The following MAF variants were observed in gnomAD, a reference collection of about 807,000 sequenced individuals.
The protein encoded by MAF is transcription factor Maf.
A neutral mutation model predicts 22.0 loss-of-function variants in MAF; 10 were observed. The observed-to-expected ratio is 0.45, with a 90% CI of 0.28 to 0.77. MAF has a LOEUF of 0.77. Among genes scored for constraint, MAF ranks in the 30% least tolerant of loss-of-function variants. The probability of loss-of-function intolerance (pLI) is 0.12; values close to 1 mark genes in which losing one functional copy is unlikely to be tolerated. For synonymous variants in MAF, 337 were observed against 255.8 expected (o/e 1.32, Z -3.03); for missense variants, 544 against 548.4 (o/e 0.99, Z 0.08).
chr16:79,264,803 G>T, the MAF span, among the ~76,000 whole-genome samples: 2 of 152,126 alleles, frequency 1.3e-5, no homozygotes, highest in African/African-American at 4.8e-5. Context: ...TGGATCTGAA[G>T]CTCCATGTCT....
At chr16:79,217,204 G>A in the MAF span, among the ~76,000 whole-genome samples, 1 of 152,220 alleles carries the variant, frequency 6.6e-6, no homozygotes, top group Non-Finnish European at 1.5e-5. Context: ...TAGGATGAAA[G>A]TGAGTTTTAG....
chr16:79,520,924 A>G, the MAF span, among the ~76,000 whole-genome samples: 2 of 152,176 alleles, frequency 1.3e-5, no homozygotes, highest in Non-Finnish European at 1.5e-5. Flanking sequence ...ACACCCCTAG[A>G]AAGAAGGAGT....
At chr16:79,415,331 G>C in the MAF span, among the ~76,000 whole-genome samples, 5 of 143,584 alleles carry the variant, frequency 3.5e-5, no homozygotes. Flanking sequence ...GAGAAGGAAG[G>C]AGGGAGGATG....
the MAF span, among the ~76,000 whole-genome samples, chr16:79,225,033 A>G: frequency 2.0e-5 from 3 of 152,210 alleles, no homozygotes; most frequent in East Asian, 1.9e-4. Flanking sequence ...ATATGGAACC[A>G]AAAAAGAGCC....
the MAF span, among the ~76,000 whole-genome samples, chr16:79,279,142 A>G: frequency 2.6e-5 from 4 of 152,172 alleles, no homozygotes; most frequent in African/African-American, 7.2e-5. Context: ...GGCTTCAGGA[A>G]TCAGATGACT....
chr16:79,252,241 A>G, the MAF span, among the ~76,000 whole-genome samples: 4 of 152,102 alleles, frequency 2.6e-5, no homozygotes, highest in Non-Finnish European at 5.9e-5. Context: ...GAAAGCAGCC[A>G]CAGACAAATG....
At chr16:79,589,053 G>T (rs1442370375), downstream of MAF, among the ~76,000 whole-genome samples, 1 of 152,142 alleles carries the variant, frequency 6.6e-6, no homozygotes, top group Non-Finnish European at 1.5e-5. Context: ...ATCTATCTGT[G>T]CATGAATAAA....
chr16:79,235,042 G>C, the MAF span, among the ~76,000 whole-genome samples: 3 of 152,106 alleles, frequency 2.0e-5, no homozygotes, highest in Non-Finnish European at 4.4e-5. Context: ...ACCCAGCTGG[G>C]ATCAGCTGAC....
the MAF span, among the ~76,000 whole-genome samples, chr16:79,524,476 C>G: frequency 6.6e-6 from 1 of 152,150 alleles, no homozygotes; most frequent in East Asian, 1.9e-4. Context: ...GGCATGAGAT[C>G]CCAAAGGTTA....
chr16:79,231,210 A>G, the MAF span, among the ~76,000 whole-genome samples: 7 of 151,984 alleles, frequency 4.6e-5, no homozygotes, highest in Non-Finnish European at 1.0e-4. Flanking sequence ...ATGGGCTCTT[A>G]TGGGACAGGA....
At chr16:79,476,211 A>T in the MAF span, among the ~76,000 whole-genome samples, 83,548 of 152,012 alleles carry the variant, frequency 0.55, 25,947 homozygotes, top group East Asian at 0.77. Context: ...ACCTGGAGCC[A>T]GAGATGAGAC....
the MAF span, among the ~76,000 whole-genome samples, chr16:79,455,066 A>C: frequency 1.3e-5 from 2 of 151,728 alleles, no homozygotes; most frequent in Admixed American, 1.3e-4. Context: ...ATTGCACTAC[A>C]GCCTGGGCAA....
chr16:79,511,546 G>T, the MAF span, among the ~76,000 whole-genome samples: 1 of 152,186 alleles, frequency 6.6e-6, no homozygotes, highest in African/African-American at 2.4e-5. Flanking sequence ...GACGTAGAAT[G>T]CATTTAGAGC....
At chr16:79,537,395 T>C in the MAF span, among the ~76,000 whole-genome samples, 3 of 150,088 alleles carry the variant, frequency 2.0e-5, no homozygotes, top group African/African-American at 5.1e-5. Context: ...CAATCATGTA[T>C]ATGTTTCACA....
the MAF span, among the ~76,000 whole-genome samples, chr16:79,299,124 C>T: frequency 6.6e-6 from 1 of 152,100 alleles, no homozygotes; most frequent in Non-Finnish European, 1.5e-5. Context: ...CCCTTTTCTC[C>T]CTCCTCTGCT....
the MAF span, among the ~76,000 whole-genome samples, chr16:79,423,132 G>T: frequency 2.0e-5 from 3 of 152,188 alleles, no homozygotes; most frequent in South Asian, 4.1e-4. Context: ...TAACGTGCAC[G>T]TGAGCAACAT....
chr16:79,211,001 T>C, the MAF span, among the ~76,000 whole-genome samples: 3 of 151,124 alleles, frequency 2.0e-5, no homozygotes, highest in East Asian at 1.9e-4. Context: ...TAATGTGTTA[T>C]GTGTTTGTGC....
At chr16:79,528,830 G>A in the MAF span, among the ~76,000 whole-genome samples, 2 of 152,146 alleles carry the variant, frequency 1.3e-5, no homozygotes, top group Non-Finnish European at 2.9e-5. Flanking sequence ...ACTACTCAGA[G>A]ATTCTCAGAA....
chr16:79,561,699 C>A, the MAF span, among the ~76,000 whole-genome samples: 2 of 152,036 alleles, frequency 1.3e-5, no homozygotes, highest in East Asian at 1.9e-4. Context: ...CCTACAATGT[C>A]TTGAGGAGAA....
Sources: gnomAD v4.1 joint callset for allele counts (sites outside exome capture counted in the v4.1 genomes callset) on GRCh38, gnomAD v4.1.1 for gene constraint, MANE v1.5 for transcripts, NCBI Gene and HGNC (gene_info 2026-07-23, HGNC 2026-07-21) for gene names.